Variants in PTCHD4 observed in about 807,000 individuals in gnomAD.
PTCHD4 encodes patched domain-containing protein 4.
Under a neutral mutation model 58.1 loss-of-function variants are expected in PTCHD4, and 33 were observed. That is an observed-to-expected ratio of 0.57 (90% CI 0.43 to 0.76). The LOEUF is 0.76. Among genes scored for constraint, PTCHD4 ranks in the 30% least tolerant of loss-of-function variants. PTCHD4 has a pLI of 0.00. For synonymous variants in PTCHD4, 478 were observed against 409.6 expected (o/e 1.17, Z -2.02); for missense variants, 1,058 against 1,027.1 (o/e 1.03, Z -0.41).
Position 47,879,706 on chromosome 6 carries a change from A to T in PTCHD4, c.1129T>A (p.Phe377Ile). The T allele has an allele frequency of 6.2e-7, 1 of 1,613,674 alleles. No individual in the cohort carries two copies. Among genetic ancestry groups the T allele is most frequent in the Non-Finnish European group, 8.5e-7 (1 of 1,179,778 alleles). Reference protein sequence around the residue: ...NMCVSILLNYFYIFSFFGSCL... With the variant: ...NMCVSILLNYIYIFSFFGSCL... ...GAGCCAAAGAAGGAGAAAATGTAGA[A>T]GTAGTTCAACAGAATAGAGACACAC... is the stretch of plus-strand genomic sequence containing the variant. Residue 377 changes from phenylalanine to isoleucine, a missense_variant, in exon 5 of 5, where the codon TTC becomes ATC. Coordinates refer to ENST00000339488, the MANE Select transcript of PTCHD4 (RefSeq NM_001384253.1).
At chr6:47,898,854 A>C (rs138091354) in intron 4 of PTCHD4, among the ~76,000 whole-genome samples, 2,055 of 152,216 alleles carry the variant, frequency 0.014, 18 homozygotes, top group Non-Finnish European at 0.023. Context: ...AGAAGAAGAG[A>C]AGCAAGTGTC....
intron 4 of PTCHD4, among the ~76,000 whole-genome samples, chr6:47,898,734 CAG>C (rs746946252): frequency 2.0e-5 from 3 of 152,112 alleles, no homozygotes; most frequent in Non-Finnish European, 4.4e-5. Flanking sequence ...AAAGTCACTT[CAG>C]AGAGACACGA....
intron 4 of PTCHD4, among the ~76,000 whole-genome samples, chr6:47,998,551 C>T (rs1308898177): frequency 6.6e-6 from 1 of 152,140 alleles, no homozygotes; most frequent in Non-Finnish European, 1.5e-5. Flanking sequence ...CTTGAGGAAA[C>T]TCATTTGCAG....
chr6:47,882,513 C>G (rs544779300), intron 4 of PTCHD4, among the ~76,000 whole-genome samples: 30 of 151,822 alleles, frequency 2.0e-4, no homozygotes, highest in Admixed American at 5.9e-4. Flanking sequence ...AATAATCTGC[C>G]CATTTTCTAG....
Position 47,863,678 on chromosome 6 carries a change from A to G in PTCHD4, c.*14625T>C, listed in dbSNP as rs1013669537. On this transcript the variant is annotated 3_prime_UTR_variant, in exon 5 of 5. Transcript: ENST00000339488. ...CTACATGAATCTAGTTCTAGTATAG[A>G]GTGCTAGTTCTAGTATACAGTGGTT... Among the ~76,000 whole-genome samples the G allele has an allele frequency of 1.4e-4, 21 of 152,002 alleles. 1 individual carries two copies. The highest frequency in any genetic ancestry group is 2.9e-5 in the Non-Finnish European group (2 of 67,934).
intron 1 of PTCHD4, among the ~76,000 whole-genome samples, chr6:48,104,596 T>C (rs925203952): frequency 1.3e-5 from 2 of 152,142 alleles, no homozygotes; most frequent in Non-Finnish European, 2.9e-5. Flanking sequence ...AATTCACACA[T>C]AACAATACTA....
chr6:48,074,526 C>T (rs1765027110), intron 1 of PTCHD4, among the ~76,000 whole-genome samples: 8 of 152,214 alleles, frequency 5.3e-5, no homozygotes, highest in Admixed American at 5.2e-4. Flanking sequence ...TCTCATTTCC[C>T]ATGCCCATGT....
chr6:47,950,824 G>T (rs1766617355), intron 4 of PTCHD4, among the ~76,000 whole-genome samples: 1 of 152,024 alleles, frequency 6.6e-6, no homozygotes, highest in African/African-American at 2.4e-5. Context: ...TTGGGAAGAT[G>T]AAGAAAAACC....
intron 4 of PTCHD4, among the ~76,000 whole-genome samples, chr6:47,884,720 C>T (rs1190597179): frequency 6.6e-6 from 1 of 152,214 alleles, no homozygotes; most frequent in Admixed American, 6.5e-5. Flanking sequence ...ACTTGTTTTA[C>T]ATGCAGTTAC....
At chr6:48,026,261 G>A (rs1763242380) in intron 3 of PTCHD4, among the ~76,000 whole-genome samples, 1 of 152,090 alleles carries the variant, frequency 6.6e-6, no homozygotes, top group Non-Finnish European at 1.5e-5. Context: ...CTGGCTGTGA[G>A]GTTTCTTTGT....
chr6:48,051,294 G>A (rs983817829), intron 3 of PTCHD4, among the ~76,000 whole-genome samples: 1 of 151,888 alleles, frequency 6.6e-6, no homozygotes, highest in Non-Finnish European at 1.5e-5. Context: ...AACAAAAGTA[G>A]GAATTAAGTC....
At chr6:48,045,195 A>C (rs1439752411) in intron 3 of PTCHD4, among the ~76,000 whole-genome samples, 1 of 151,818 alleles carries the variant, frequency 6.6e-6, no homozygotes, top group Non-Finnish European at 1.5e-5. Flanking sequence ...CAGGAGAGAC[A>C]ACTGCATGCT....
At chr6:48,031,133 C>A (rs1289125983) in intron 3 of PTCHD4, among the ~76,000 whole-genome samples, 2 of 152,134 alleles carry the variant, frequency 1.3e-5, no homozygotes, top group African/African-American at 4.8e-5. Flanking sequence ...TTTAGCAAGA[C>A]CCTTACCCCT....
intron 4 of PTCHD4, among the ~76,000 whole-genome samples, chr6:47,892,891 A>G (rs1238440374): frequency 6.6e-6 from 1 of 152,228 alleles, no homozygotes; most frequent in Non-Finnish European, 1.5e-5. Flanking sequence ...AAGCCAATGG[A>G]AAACCAGTTA....
chr6:48,059,163 C>G (rs600229), intron 3 of PTCHD4, among the ~76,000 whole-genome samples: 23,726 of 152,052 alleles, frequency 0.16, 1,892 homozygotes, highest in African/African-American at 0.2. Context: ...CAGTGTCACT[C>G]GGGAGCTTGC....
intron 4 of PTCHD4, among the ~76,000 whole-genome samples, chr6:47,908,248 T>C (rs1342746043): frequency 1.3e-5 from 2 of 152,150 alleles, no homozygotes; most frequent in Admixed American, 1.3e-4. Context: ...CATGGTCTTA[T>C]AACGTGGTGC....
At chr6:48,090,613 T>TCA (rs1192198019) in intron 1 of PTCHD4, among the ~76,000 whole-genome samples, 2 of 152,160 alleles carry the variant, frequency 1.3e-5, no homozygotes, top group African/African-American at 4.8e-5. Flanking sequence ...GTAAAATAAC[T>TCA]GTTTCACGAG....
rs571382126 is a variant in PTCHD4, at chr6:48,104,719, G to A, written c.-970+6330C>T. On this transcript the variant is annotated intron_variant, in intron 1 of 4. Transcript: ENST00000339488. ...ATTCAGGAAACCTATCTCATGTGCA[G>A]AGACACACATAGGCTAAAAATAAAG... Among the ~76,000 whole-genome samples, 9 of 152,200 alleles carry A rather than the reference G, an allele frequency of 5.9e-5. No individual in the cohort carries two copies. The South Asian group carries it at 1.9e-3, about 32-fold the overall frequency.
chr6:47,864,240 G>A lies in PTCHD4; in HGVS notation c.*14063C>T, dbSNP rs12210821. On this transcript the variant is annotated 3_prime_UTR_variant, in exon 5 of 5. Transcript: ENST00000339488. ...AGGCTGTGCTTTGACAAGCCCTCCA[G>A]GTGATTTTGATACATGCTTAAGTGG... 6.6e-6 allele frequency among the ~76,000 whole-genome samples: 1 copy of A among 151,636 alleles called. No individual in the cohort carries two copies. The highest frequency in any genetic ancestry group is 2.4e-5 in the African/African-American group (1 of 41,316).
Sources: allele counts gnomAD v4.1 joint callset (sites outside exome capture counted in the v4.1 genomes callset), GRCh38; gene constraint gnomAD v4.1.1; transcripts MANE v1.5; gene names NCBI Gene and HGNC (gene_info 2026-07-23, HGNC 2026-07-21).